SLC24A2: variants seen among roughly 807,000 people sequenced by gnomAD.
SLC24A2 encodes the protein sodium/potassium/calcium exchanger 2.
A neutral mutation model predicts 62.0 loss-of-function variants in SLC24A2; 36 were observed. The ratio of observed to expected loss-of-function variants is 0.58; its 90% CI spans 0.44 to 0.77. SLC24A2 has a LOEUF of 0.77. Ranked by LOEUF, SLC24A2 falls within the 30% of genes least tolerant of loss-of-function variation. The probability of loss-of-function intolerance (pLI) is 0.00; values close to 1 mark genes in which losing one functional copy is unlikely to be tolerated. For synonymous variants in SLC24A2, 358 were observed against 294.0 expected, an observed-to-expected ratio of 1.22 and a Z score of -2.23; for missense variants, 846 against 817.9, an observed-to-expected ratio of 1.03 and a Z score of -0.42.
chr9:20,195,887 G>A, the SLC24A2 span, among the ~76,000 whole-genome samples: 1 of 151,690 alleles, frequency 6.6e-6, no homozygotes, highest in African/African-American at 2.4e-5. Flanking sequence ...TACTGTCCAT[G>A]GTATACAAAA....
intron 7 of SLC24A2, among the ~76,000 whole-genome samples, chr9:19,572,273 A>T (rs1217708688): frequency 6.6e-6 from 1 of 151,366 alleles, no homozygotes; most frequent in Non-Finnish European, 1.5e-5. Context: ...AAAAAAAAAA[A>T]AAAAAAAAAT....
chr9:19,749,342 G>A (rs1821920137), intron 2 of SLC24A2, among the ~76,000 whole-genome samples: 1 of 151,954 alleles, frequency 6.6e-6, no homozygotes, highest in African/African-American at 2.4e-5. Flanking sequence ...ATATTTGGTT[G>A]GATGTCCATT....
At chr9:19,946,620 G>C in the SLC24A2 span, among the ~76,000 whole-genome samples, 1 of 152,202 alleles carries the variant, frequency 6.6e-6, no homozygotes, top group African/African-American at 2.4e-5. Context: ...CTGAGTTAAT[G>C]AGACAACCTG....
chr9:19,792,631 C>G (rs1823332926), upstream of SLC24A2, among the ~76,000 whole-genome samples: 1 of 151,280 alleles, frequency 6.6e-6, no homozygotes, highest in South Asian at 2.1e-4. Flanking sequence ...TCACTTGAAC[C>G]TGGGATGCGG....
At chr9:20,115,869 C>G in the SLC24A2 span, among the ~76,000 whole-genome samples, 2 of 152,142 alleles carry the variant, frequency 1.3e-5, no homozygotes, top group Non-Finnish European at 2.9e-5. Flanking sequence ...CAATTTTAAG[C>G]AATGATTGCA....
At chr9:20,163,983 A>T in the SLC24A2 span, among the ~76,000 whole-genome samples, 73 of 152,196 alleles carry the variant, frequency 4.8e-4, no homozygotes, top group Admixed American at 4.8e-3. Context: ...AAATTAATTC[A>T]AGATGGATTA....
At chr9:20,011,597 C>T in the SLC24A2 span, among the ~76,000 whole-genome samples, 4 of 152,180 alleles carry the variant, frequency 2.6e-5, no homozygotes, top group East Asian at 1.9e-4. Context: ...ATTTGTGTTA[C>T]AGGAATTCCT....
chr9:19,831,941 C>A, the SLC24A2 span, among the ~76,000 whole-genome samples: 1 of 152,210 alleles, frequency 6.6e-6, no homozygotes, highest in Non-Finnish European at 1.5e-5. Flanking sequence ...ATTAAAAATA[C>A]TCTAGCATAA....
In SLC24A2 at chr9:19,522,516, T is replaced by C. The variant is rs79604484; in HGVS notation, c.1570-1456A>G. ...TAAATCCTTTTTAAAAAAATTCTTA[T>C]TTTTATAAGAAATAGTATGATTCCT... On this transcript the variant is annotated intron_variant, in intron 9 of 10. Coordinates refer to ENST00000341998, the MANE Select transcript of SLC24A2 (RefSeq NM_020344.4). 2.5e-3 allele frequency among the ~76,000 whole-genome samples: 381 copies of C among 152,326 alleles called. 1 individual carries two copies. The highest frequency in any genetic ancestry group is 9.0e-3 in the African/African-American group (373 of 41,578).
intron 2 of SLC24A2, among the ~76,000 whole-genome samples, chr9:19,746,632 T>G (rs1388276150): frequency 2.0e-5 from 3 of 152,206 alleles, no homozygotes; most frequent in Admixed American, 2.0e-4. Flanking sequence ...TATTTTTCCC[T>G]GATTCTGGCA....
At chr9:20,157,519 T>A in the SLC24A2 span, among the ~76,000 whole-genome samples, 1 of 151,658 alleles carries the variant, frequency 6.6e-6, no homozygotes, top group Non-Finnish European at 1.5e-5. Flanking sequence ...GCTAAAATAC[T>A]GAGCACATAT....
At chr9:19,697,449 A>T (rs1820225907) in intron 2 of SLC24A2, among the ~76,000 whole-genome samples, 1 of 152,196 alleles carries the variant, frequency 6.6e-6, no homozygotes, top group Admixed American at 6.5e-5. Context: ...TAAAAGTTGA[A>T]GAGAAAAAAA....
intron 2 of SLC24A2, among the ~76,000 whole-genome samples, chr9:19,703,140 T>G (rs879912979): frequency 2.0e-4 from 31 of 152,118 alleles, no homozygotes; most frequent in Admixed American, 1.9e-3. Flanking sequence ...TATATCAAAT[T>G]TAGATACAAA....
chr9:19,635,936 T>C (rs559466489), intron 2 of SLC24A2, among the ~76,000 whole-genome samples: 1 of 152,374 alleles, frequency 6.6e-6, no homozygotes, highest in Admixed American at 6.5e-5. Flanking sequence ...ACTTGTTGCC[T>C]TAGCAGGTTA....
chr9:20,040,839 A>G, the SLC24A2 span, among the ~76,000 whole-genome samples: 2 of 152,200 alleles, frequency 1.3e-5, no homozygotes, highest in African/African-American at 4.8e-5. Context: ...TGTAGTTTTA[A>G]TCCTCACAAC....
chr9:19,550,153 G>C lies in SLC24A2; in HGVS notation c.1463C>G (p.Pro488Arg). The change falls in exon 8 of 11, where the codon CCT (proline) becomes CGT (arginine). Residue 488 changes from proline (P) to arginine (R), a missense_variant. Pro to Arg is a moderately radical substitution (Grantham distance 103). Transcript: ENST00000341998. ...PIVFPLWITL[P>R]DVRKPSSRKF... is the part of the protein sequence containing the mutation. ...TTTACTTACAGGTTTGCGAACGTCA[G>C]GTAACGTAATCCAGAGAGGAAACAC... 2 of 1,614,052 alleles carry C rather than the reference G, an allele frequency of 1.2e-6. No homozygotes were observed. The highest frequency in any genetic ancestry group is 1.7e-6 in the Non-Finnish European group (2 of 1,179,986).
the SLC24A2 span, among the ~76,000 whole-genome samples, chr9:20,028,750 GTC>G: frequency 6.6e-6 from 1 of 152,168 alleles, no homozygotes; most frequent in African/African-American, 2.4e-5. Context: ...ACATCCCCCT[GTC>G]TGTCCTCCTC....
At chr9:19,941,977 G>T in the SLC24A2 span, among the ~76,000 whole-genome samples, 1 of 151,938 alleles carries the variant, frequency 6.6e-6, no homozygotes, top group African/African-American at 2.4e-5. Flanking sequence ...GAAAATGTAG[G>T]GATTTTAGAC....
rs12686134 is a variant in SLC24A2 at position 19,605,232 on chromosome 9, A to G, written c.1079-7953T>C. Among the ~76,000 whole-genome samples, 207 of 152,326 alleles carry G rather than the reference A, an allele frequency of 1.4e-3. 2 individuals are homozygous for G. In the East Asian group the frequency reaches 0.033, roughly 24 times the overall value. ...CCTAAGAATGTTTCACCAGAATTAA[A>G]AAATTAATAGAGAGAATAAATGCTT... On this transcript the variant is annotated intron_variant, in intron 4 of 10. Transcript: ENST00000341998.
Sources: allele counts gnomAD v4.1 joint callset (sites outside exome capture counted in the v4.1 genomes callset), GRCh38; gene constraint gnomAD v4.1.1; transcripts MANE v1.5; gene names NCBI Gene and HGNC (gene_info 2026-07-23, HGNC 2026-07-21).